The following PPP6R3 variants were observed in gnomAD, a reference collection of about 807,000 sequenced individuals.
PPP6R3 encodes protein phosphatase 6 regulatory subunit 3, also known as serine/threonine-protein phosphatase 6 regulatory subunit 3.
In PPP6R3, 38 loss-of-function variants were observed where a neutral mutation model predicts 110.7. The ratio of observed to expected loss-of-function variants is 0.34; its 90% confidence interval spans 0.26 to 0.45. The LOEUF (loss-of-function observed/expected upper bound fraction) is 0.45. PPP6R3 is among the 20% of genes least tolerant of loss of function. The probability of loss-of-function intolerance (pLI) is 1.00; values close to 1 mark genes in which losing one functional copy is unlikely to be tolerated. For missense variants in PPP6R3, 870 were observed against 1,062.4 expected (o/e 0.82, Z 2.52); for synonymous variants, 369 against 373.5 (o/e 0.99, Z 0.14).
At chr11:68,465,048 A>G (rs2098736044) in intron 1 of PPP6R3, among the ~76,000 whole-genome samples, 1 of 151,852 alleles carries the variant, frequency 6.6e-6, no homozygotes, top group Non-Finnish European at 1.5e-5. Flanking sequence ...CACCTGGCTC[A>G]TTTTTGTATT....
intron 2 of PPP6R3, among the ~76,000 whole-genome samples, chr11:68,522,169 G>A (rs1287199584): frequency 2.0e-5 from 3 of 152,164 alleles, no homozygotes; most frequent in Admixed American, 6.5e-5. Context: ...TAGTTTAGGC[G>A]ATAGCTCCTT....
intron 1 of PPP6R3, among the ~76,000 whole-genome samples, chr11:68,466,059 C>T (rs932276026): frequency 2.0e-5 from 3 of 152,156 alleles, no homozygotes; most frequent in Admixed American, 6.5e-5. Flanking sequence ...GTTCCAGACC[C>T]GTCCGAAGCT....
intron 1 of PPP6R3, among the ~76,000 whole-genome samples, chr11:68,514,198 AG>A (rs2099124524): frequency 6.6e-6 from 1 of 152,072 alleles, no homozygotes. Flanking sequence ...TTGAGTAGCT[AG>A]GACTGCAGGT....
intron 1 of PPP6R3, among the ~76,000 whole-genome samples, chr11:68,472,071 G>A (rs919780701): frequency 6.6e-6 from 1 of 152,184 alleles, no homozygotes; most frequent in African/African-American, 2.4e-5. Context: ...GAGGGTAGCA[G>A]TCCTGAGTTG....
In PPP6R3 at chr11:68,564,291, C is replaced by T. The variant is rs749150696; in HGVS notation, c.846-12C>T. On this transcript the variant is annotated splice_polypyrimidine_tract_variant and intron_variant, in intron 8 of 23. Coordinates refer to ENST00000393800, the MANE Select transcript of PPP6R3 (RefSeq NM_001164161.2). The stretch of plus-strand genomic sequence containing the variant: ...AAATTATAATAACTAAAATTCCTTG[C>T]TTTGTTTCAAGATTTGAAGGCCATA... The T allele has an allele frequency of 1.9e-6, 3 of 1,594,954 alleles. No homozygotes were observed. In the African/African-American group the frequency reaches 4.1e-5, roughly 22 times the overall value.
At chr11:68,576,442 T>C (rs1264068841) in intron 14 of PPP6R3, among the ~76,000 whole-genome samples, 2 of 152,244 alleles carry the variant, frequency 1.3e-5, no homozygotes, top group African/African-American at 2.4e-5. Flanking sequence ...TCTGATATTA[T>C]TGAGTTGAGT....
At chr11:68,520,339 T>C (rs1202988419) in intron 2 of PPP6R3, among the ~76,000 whole-genome samples, 1 of 152,224 alleles carries the variant, frequency 6.6e-6, no homozygotes, top group Non-Finnish European at 1.5e-5. Context: ...GCTTTCTTTT[T>C]ATCCTGATGA....
At chr11:68,556,238 A>G (rs544320987) in intron 7 of PPP6R3, among the ~76,000 whole-genome samples, 1 of 152,310 alleles carries the variant, frequency 6.6e-6, no homozygotes, top group South Asian at 2.1e-4. Context: ...GATAGCACAT[A>G]TGGAAAAATT....
At chr11:68,550,730 T>C (rs1364112019) in intron 5 of PPP6R3, among the ~76,000 whole-genome samples, 2 of 152,210 alleles carry the variant, frequency 1.3e-5, no homozygotes, top group Non-Finnish European at 2.9e-5. Context: ...TCTCAATCTT[T>C]CTGAAGCTTG....
At chr11:68,513,355 A>G (rs1018674389) in intron 1 of PPP6R3, among the ~76,000 whole-genome samples, 4 of 152,206 alleles carry the variant, frequency 2.6e-5, no homozygotes, top group Admixed American at 6.5e-5. Flanking sequence ...TTAAAACACA[A>G]TGGAACAGAT....
At chr11:68,490,523 C>T (rs114840316) in intron 1 of PPP6R3, among the ~76,000 whole-genome samples, 27 of 152,094 alleles carry the variant, frequency 1.8e-4, no homozygotes, top group African/African-American at 5.1e-4. Context: ...GAAAAATCTC[C>T]GTCGTTATTA....
intron 1 of PPP6R3, among the ~76,000 whole-genome samples, chr11:68,489,552 TTG>T (rs1413767280): frequency 2.1e-5 from 3 of 144,950 alleles, no homozygotes; most frequent in African/African-American, 7.9e-5. Context: ...TACTGTGTGT[TTG>T]TGTGTGTGTG....
intron 4 of PPP6R3, among the ~76,000 whole-genome samples, chr11:68,546,483 C>T (rs1384848564): frequency 6.6e-6 from 1 of 152,208 alleles, no homozygotes; most frequent in Non-Finnish European, 1.5e-5. Context: ...GCCCTTCGGC[C>T]TTTTGCTTGT....
Position 68,590,695 on chromosome 11 carries a change from C to T in PPP6R3, c.1766C>T (p.Thr589Ile). 1 of 1,593,592 alleles carries T rather than the reference C, an allele frequency of 6.3e-7. No homozygotes were observed. ...SFDRVSDINFTLNTNESGNIA... is the reference protein window; with the variant it reads ...SFDRVSDINFILNTNESGNIA... ...GATCGAGTATCAGACATCAACTTTA[C>T]TCTCAATACAAATGAAAGTGTAAGT... The change falls in exon 17 of 24, where the codon ACT becomes ATT. Residue 589 changes from threonine to isoleucine, a missense_variant. Physicochemically the swap from Thr to Ile is moderately conservative, Grantham distance 89 (BLOSUM62 -1). Coordinates refer to ENST00000393800, the MANE Select transcript of PPP6R3 (RefSeq NM_001164161.2).
intron 19 of PPP6R3, among the ~76,000 whole-genome samples, chr11:68,599,457 C>T (rs2099624021): frequency 6.6e-6 from 1 of 152,226 alleles, no homozygotes; most frequent in Non-Finnish European, 1.5e-5. Context: ...AGTCCTGCCG[C>T]TTCAGCCTCT....
At chr11:68,607,765 A>G (rs543514051) in intron 22 of PPP6R3, among the ~76,000 whole-genome samples, 9 of 152,044 alleles carry the variant, frequency 5.9e-5, no homozygotes, top group African/African-American at 1.9e-4. Flanking sequence ...CTGTCAGTCT[A>G]TATCTAATCT....
chr11:68,552,874 A>G (rs976749890), intron 6 of PPP6R3, among the ~76,000 whole-genome samples: 4 of 152,212 alleles, frequency 2.6e-5, no homozygotes, highest in Non-Finnish European at 5.9e-5. Context: ...TTCTGCAACA[A>G]GTTTTTTGAG....
At chr11:68,522,025 A>T (rs553067803) in intron 2 of PPP6R3, among the ~76,000 whole-genome samples, 1 of 152,190 alleles carries the variant, frequency 6.6e-6, no homozygotes, top group African/African-American at 2.4e-5. Context: ...CACATTCTCT[A>T]TCAGTCCCCA....
intron 16 of PPP6R3, among the ~76,000 whole-genome samples, chr11:68,589,901 C>T (rs1269468308): frequency 6.6e-6 from 1 of 152,168 alleles, no homozygotes; most frequent in Non-Finnish European, 1.5e-5. Flanking sequence ...CATTTTAACT[C>T]AAAAAGAGCA....
Sources: allele counts gnomAD v4.1 joint callset (sites outside exome capture counted in the v4.1 genomes callset), GRCh38; gene constraint gnomAD v4.1.1; transcripts MANE v1.5; gene names NCBI Gene and HGNC (gene_info 2026-07-23, HGNC 2026-07-21).